NBPF9: variants seen among roughly 807,000 people sequenced by gnomAD.
NBPF9 encodes the protein NBPF member 9.
A neutral mutation model predicts 97.8 loss-of-function variants in NBPF9; 91 were observed. That is an observed-to-expected ratio of 0.93 (90% CI 0.79 to 1.11). NBPF9 has a LOEUF of 1.11. NBPF9 is among the 50% of genes least tolerant of loss of function. NBPF9 has a pLI of 0.00. For missense variants in NBPF9, 992 were observed against 939.5 expected (o/e 1.06, Z -0.73); for synonymous variants, 334 against 359.5 (o/e 0.93, Z 0.80).
At chr1:149,059,947 G>A in intron 24 of NBPF9, 139 bp from the exon 25 acceptor site, 1 of 423,216 alleles carries the variant, frequency 2.4e-6, no homozygotes, top group East Asian at 2.8e-5. Context: ...ATTTCAGGAG[G>A]CCTGAAGGCT....
chr1:149,063,011 C>T, intron 20 of NBPF9, 98 bp from the exon 21 acceptor site: 1 of 596,764 alleles, frequency 1.7e-6, no homozygotes, highest in South Asian at 2.0e-5. Flanking sequence ...TCAGGCTCCT[C>T]AGCATGAGAA....
At chr1:149,067,930 G>A (rs1553652146) in intron 17 of NBPF9, among the ~76,000 whole-genome samples, 1 of 145,768 alleles carries the variant, frequency 6.9e-6, no homozygotes, top group Non-Finnish European at 1.5e-5. Flanking sequence ...CCCACCAACA[G>A]TGTAAAAGTG....
At chr1:149,095,174 A>G (rs1461286005) in intron 4 of NBPF9, among the ~76,000 whole-genome samples, 6 of 149,184 alleles carry the variant, frequency 4.0e-5, no homozygotes, top group Non-Finnish European at 8.9e-5. Context: ...GCCTACATAC[A>G]GTCCACTGAT....
intron 17 of NBPF9, among the ~76,000 whole-genome samples, chr1:149,068,269 C>T (rs2079157706): frequency 6.7e-6 from 1 of 150,044 alleles, no homozygotes; most frequent in African/African-American, 2.5e-5. Context: ...CAAATTCACA[C>T]ATAACAATAT....
intron 29 of NBPF9, 41 bp from the exon 30 acceptor site, chr1:149,055,940 T>C (rs1198080372): frequency 1.9e-6 from 3 of 1,611,020 alleles, no homozygotes; most frequent in Admixed American, 1.7e-5. Context: ...CCAGGGAAAA[T>C]CAGACACCAC....
Position 149,062,090 on chromosome 1 carries a change from C to G in NBPF9, c.2251+3G>C, listed in dbSNP as rs587611259. On this transcript the variant is annotated splice_donor_region_variant and intron_variant, in intron 22 of 29. Coordinates refer to ENST00000584027, the Ensembl canonical transcript of NBPF9. ...CTTATCACCTTCATAGTAAGGTACT[C>G]ACTGTCCAAGTCAAGAGCCAAGCCA... 15 of 1,114,772 alleles carry G rather than the reference C, an allele frequency of 1.3e-5. 1 individual carries two copies. The Admixed American group carries it at 2.6e-4, about 19-fold the overall frequency. The allele number at this position is 1,114,772 out of a possible 1,614,324, so 69.1% of individuals were successfully genotyped here.
At chr1:149,055,321 G>C (rs2152858302) in exon 30 of NBPF9, 2 of 478,046 alleles carry the variant, frequency 4.2e-6, no homozygotes, top group Non-Finnish European at 7.5e-6. Context: ...CAATGACCTT[G>C]AGCAGGTATA....
intron 17 of NBPF9, among the ~76,000 whole-genome samples, chr1:149,067,340 T>A (rs1452337191): frequency 7.9e-6 from 1 of 125,888 alleles, no homozygotes; most frequent in Non-Finnish European, 1.7e-5. Context: ...CTTTAAGTCT[T>A]AGGGTACATG....
rs587734851 is a variant in NBPF9, at chr1:149,062,299, G to C, written c.2079-34C>G. ...GTAGGAAAAAGTAAAGAATAAGCCAGGGGGAATCAGAAACCACACAGCCCC... is the reference window on the plus strand; with the variant it reads ...GTAGGAAAAAGTAAAGAATAAGCCACGGGGAATCAGAAACCACACAGCCCC... On this transcript the variant is annotated intron_variant, in intron 21 of 29. Transcript: ENST00000584027. The C allele has an allele frequency of 2.5e-4, 160 of 630,686 alleles. 2 individuals are homozygous for C. The highest frequency in any genetic ancestry group is 1.3e-3 in the Middle Eastern group (3 of 2,312). The allele number at this position is 630,686 out of a possible 1,614,324, so 39.1% of individuals were successfully genotyped here.
intron 12 of NBPF9, among the ~76,000 whole-genome samples, chr1:149,075,323 T>A (rs2079763535): frequency 6.6e-6 from 1 of 151,780 alleles, no homozygotes; most frequent in African/African-American, 2.4e-5. Flanking sequence ...GACTAGATGT[T>A]ATTTGTCTGC....
At chr1:149,093,864 G>A (rs587700634) in intron 4 of NBPF9, among the ~76,000 whole-genome samples, 10 of 126,808 alleles carry the variant, frequency 7.9e-5, no homozygotes, top group South Asian at 3.2e-4. Flanking sequence ...AGGTCAGGCC[G>A]TGGCTCGTGT....
At position 149,064,169 on chromosome 1, in the gene NBPF9, G is replaced by A. The variant is rs1374059424; in HGVS notation, c.1853+262C>T. On this transcript the variant is annotated intron_variant, in intron 19 of 29. Coordinates refer to ENST00000584027, the Ensembl canonical transcript of NBPF9. ...TGTCCTCAATAATTTTGCATAAAATGTGCTCAAGTTTCCCTGCAGTTACCA... is the reference window on the plus strand; with the variant it reads ...TGTCCTCAATAATTTTGCATAAAATATGCTCAAGTTTCCCTGCAGTTACCA... Among the ~76,000 whole-genome samples the A allele has an allele frequency of 4.7e-4, 65 of 139,664 alleles. 1 individual carries two copies. The highest frequency in any genetic ancestry group is 3.5e-3 in the Middle Eastern group (1 of 282). 91.6% of individuals were successfully genotyped at this position (139,664 alleles called of 152,430 possible).
intron 5 of NBPF9, among the ~76,000 whole-genome samples, chr1:149,082,840 C>T (rs1211340080): frequency 5.4e-5 from 8 of 146,998 alleles, no homozygotes; most frequent in East Asian, 2.0e-4. Flanking sequence ...AGTGCAGTGA[C>T]GCGATCTAGG....
chr1:149,090,389 C>G, intron 5 of NBPF9: 1 of 231,766 alleles, frequency 4.3e-6, no homozygotes, highest in Non-Finnish European at 8.4e-6. Context: ...TGAACCAATT[C>G]TATGACCATC....
intron 5 of NBPF9, among the ~76,000 whole-genome samples, chr1:149,082,816 G>T (rs1553657264): frequency 1.4e-5 from 2 of 144,434 alleles, no homozygotes; most frequent in African/African-American, 5.1e-5. Context: ...GTCTCACTCT[G>T]TCGCCCAGGC....
Position 149,072,600 on chromosome 1 carries a change from C to T in NBPF9, c.1306+118G>A, listed in dbSNP as rs587741447. 34 of 1,440,000 alleles carry T rather than the reference C, an allele frequency of 2.4e-5. 1 individual carries two copies. The East Asian group carries it at 2.7e-4, about 12-fold the overall frequency. 89.2% of individuals were successfully genotyped at this position (1,440,000 alleles called of 1,614,324 possible). A position where few individuals can be genotyped will look rare whatever the true frequency, so the allele number is the denominator to read the frequency against. ...CCAAGAAGTCCTTGTCATGTCATGG[C>T]CACATAAGCTTAGTGGAAAAAAACA... On this transcript the variant is annotated intron_variant, in intron 14 of 29. Coordinates refer to ENST00000584027, the Ensembl canonical transcript of NBPF9.
At chr1:149,074,774 A>ACT (rs1332265071) in intron 12 of NBPF9, among the ~76,000 whole-genome samples, 2 of 150,494 alleles carry the variant, frequency 1.3e-5, no homozygotes, top group African/African-American at 4.9e-5. Flanking sequence ...TCACCAAGCT[A>ACT]CTCTCTGCTT....
chr1:149,070,985 T>C (rs1334953880), exon 16 of NBPF9: 18 of 1,612,346 alleles, frequency 1.1e-5, no homozygotes, highest in South Asian at 2.2e-5. Flanking sequence ...GATGAGCCAA[T>C]GAGAGTTGAG....
intron 5 of NBPF9, chr1:149,090,396 CATCT>C (rs2081338715): frequency 4.3e-6 from 1 of 233,370 alleles, no homozygotes; most frequent in Admixed American, 5.2e-5. Flanking sequence ...ATTCTATGAC[CATCT>C]GTTTCATGGC....
Sources: allele counts gnomAD v4.1 joint callset (sites outside exome capture counted in the v4.1 genomes callset), GRCh38; gene constraint gnomAD v4.1.1; transcripts MANE v1.5; gene names NCBI Gene and HGNC (gene_info 2026-07-23, HGNC 2026-07-21).